The following PJA2 variants were observed in gnomAD, a reference collection of about 807,000 sequenced individuals.
PJA2 encodes the protein E3 ubiquitin-protein ligase Praja-2.
In PJA2, 25 loss-of-function variants were observed where a neutral mutation model predicts 69.3. The observed-to-expected ratio is 0.36, with a 90% CI of 0.26 to 0.50. PJA2 has a LOEUF of 0.50. Among genes scored for constraint, PJA2 ranks in the 20% least tolerant of loss-of-function variants. PJA2 has a pLI of 0.96. For synonymous variants in PJA2, 308 were observed against 277.8 expected (o/e 1.11, Z -1.08); for missense variants, 809 against 830.2 (o/e 0.97, Z 0.31).
At chr5:109,403,953 C>T (rs1010332302) in intron 1 of PJA2, among the ~76,000 whole-genome samples, 8 of 151,806 alleles carry the variant, frequency 5.3e-5, no homozygotes, top group Non-Finnish European at 8.8e-5. Flanking sequence ...TACCTGTAAT[C>T]CCAGCTACTC....
chr5:109,342,480 G>T (rs1762089696), intron 9 of PJA2, among the ~76,000 whole-genome samples: 2 of 130,976 alleles, frequency 1.5e-5, no homozygotes, highest in Non-Finnish European at 3.3e-5. Context: ...AGGTGGGGGG[G>T]TCAGCCCCCC....
rs913138901 is a variant in PJA2, at chr5:109,335,568, G to A, written c.*1663C>T. 6.6e-6 allele frequency: 1 copy of A among 152,014 alleles called. No individual in the cohort carries two copies. Among genetic ancestry groups the A allele is most frequent in the Non-Finnish European group, 1.5e-5 (1 of 67,970 alleles). The allele number at this position is 152,014 out of a possible 1,614,324, so 9.4% of individuals were successfully genotyped here. A position where few individuals can be genotyped will look rare whatever the true frequency, so the allele number is the denominator to read the frequency against. On this transcript the variant is annotated 3_prime_UTR_variant, in exon 10 of 10. Transcript: ENST00000361189. ...CACAACTGATCAACAGTACTTAAAAGGAAACAAACAAAAATCACACTAGCC... is the reference window on the plus strand; with the variant it reads ...CACAACTGATCAACAGTACTTAAAAAGAAACAAACAAAAATCACACTAGCC...
chr5:109,373,382 T>C (rs538915001), intron 4 of PJA2, among the ~76,000 whole-genome samples: 13 of 152,234 alleles, frequency 8.5e-5, no homozygotes, highest in Admixed American at 1.3e-4. Context: ...CCTCTCTTCA[T>C]TGAAGAGGAA....
intron 9 of PJA2, among the ~76,000 whole-genome samples, chr5:109,342,136 CGGGA>C (rs1762079154): frequency 1.7e-5 from 2 of 116,900 alleles, no homozygotes; most frequent in Non-Finnish European, 3.7e-5. Flanking sequence ...CCGCCCCGTC[CGGGA>C]GGGAGGTGGG....
intron 7 of PJA2, among the ~76,000 whole-genome samples, chr5:109,352,203 T>C (rs912431214): frequency 1.3e-5 from 2 of 152,196 alleles, no homozygotes; most frequent in Non-Finnish European, 2.9e-5. Flanking sequence ...CTTAGTTCAC[T>C]GCTAGTGCCT....
At chr5:109,353,983 TTAGA>T (rs1424634554) in intron 7 of PJA2, among the ~76,000 whole-genome samples, 7 of 139,610 alleles carry the variant, frequency 5.0e-5, no homozygotes, top group South Asian at 2.5e-4. Flanking sequence ...TATCTATAGA[TTAGA>T]TAGATATCTA....
intron 2 of PJA2, among the ~76,000 whole-genome samples, chr5:109,382,839 C>T (rs1306229069): frequency 1.4e-5 from 2 of 146,704 alleles, no homozygotes; most frequent in African/African-American, 2.5e-5. Context: ...CAGTTCGAAA[C>T]TCCATCTCAA....
chr5:109,392,068 A>AT (rs908841908), intron 1 of PJA2, among the ~76,000 whole-genome samples: 2 of 152,144 alleles, frequency 1.3e-5, no homozygotes, highest in African/African-American at 2.4e-5. Flanking sequence ...CCCAGCAGGC[A>AT]TTTTTTTGGG....
At chr5:109,341,714 C>T (rs1329354725) in intron 9 of PJA2, among the ~76,000 whole-genome samples, 1 of 23,482 alleles carries the variant, frequency 4.3e-5, no homozygotes, top group East Asian at 4.8e-4. Flanking sequence ...TCTGCCTGGC[C>T]GCCCCTACTG....
chr5:109,368,494 C>A, intron 5 of PJA2, 67 bp downstream of exon 5: 2 of 1,389,798 alleles, frequency 1.4e-6, no homozygotes, highest in Admixed American at 2.2e-5. Context: ...GCATATCCAA[C>A]ATTTGAATGT....
rs193297397 is a variant in PJA2 at position 109,395,475 on chromosome 5, C to A, written c.-87-11955G>T. 1.3e-3 allele frequency among the ~76,000 whole-genome samples: 195 copies of A among 152,234 alleles called. 1 individual carries two copies. The highest frequency in any genetic ancestry group is 2.1e-3 in the Non-Finnish European group (141 of 67,996). ...CTGGGAGATGGAGGCTGAAGTAAGC[C>A]GTGATTGTGCCACTGCCCTCCAGCC... is the stretch of plus-strand genomic sequence containing the variant. On this transcript the variant is annotated intron_variant, in intron 1 of 9. Coordinates refer to ENST00000361189, the MANE Select transcript of PJA2 (RefSeq NM_014819.5).
At position 109,354,123 on chromosome 5, in the gene PJA2, G is replaced by GATATCAA. The variant is rs1426483435; in HGVS notation, c.1764+1791_1764+1792insTTGATAT. ...AGATATCTATAGATTAGATATCTAT[G>GATATCAA]GTATCTAGAGCTGTCTATAGATTAG... On this transcript the variant is annotated intron_variant, in intron 7 of 9. Transcript: ENST00000361189. Among the ~76,000 whole-genome samples the GATATCAA allele has an allele frequency of 4.5e-5, 2 of 44,426 alleles. 1 individual carries two copies. The highest frequency in any genetic ancestry group is 1.6e-4 in the Non-Finnish European group (2 of 12,890). 29.1% of individuals were successfully genotyped at this position (44,426 alleles called of 152,430 possible).
chr5:109,344,811 C>A lies in PJA2; in HGVS notation c.1773G>T (p.Leu591=). The A allele has an allele frequency of 6.2e-7, 1 of 1,608,696 alleles. No individual in the cohort carries two copies. The highest frequency in any genetic ancestry group is 1.1e-5 in the South Asian group (1 of 90,060). The change falls in exon 8 of 10, where the codon CTG becomes CTT. Residue 591 remains leucine (L), a synonymous_variant. Coordinates refer to ENST00000361189, the MANE Select transcript of PJA2 (RefSeq NM_014819.5). The part of the protein sequence containing the change: ...ERLAQAMETA[L]AHLESLAVDV... ...CCACTGCAAGAGACTCTAAATGGGC[C>A]AGAGCAGTCTGAAAAACAAAAGGTA...
intron 1 of PJA2, among the ~76,000 whole-genome samples, chr5:109,386,204 A>G (rs577898949): frequency 6.6e-6 from 1 of 152,326 alleles, no homozygotes; most frequent in African/African-American, 2.4e-5. Flanking sequence ...ATAGCAGAAA[A>G]AACAACAGAG....
chr5:109,380,436 T>G (rs1344701799), intron 3 of PJA2, among the ~76,000 whole-genome samples: 3 of 152,164 alleles, frequency 2.0e-5, no homozygotes, highest in Non-Finnish European at 2.9e-5. Context: ...TTTAATTGAA[T>G]AAGCCTTCCT....
chr5:109,335,621 T>C lies in PJA2; in HGVS notation c.*1610A>G, dbSNP rs1379602130. 1 of 152,172 alleles carries C rather than the reference T, an allele frequency of 6.6e-6. No individual in the cohort carries two copies. The highest frequency in any genetic ancestry group is 2.4e-5 in the African/African-American group (1 of 41,428). The allele number at this position is 152,172 out of a possible 1,614,324, so 9.4% of individuals were successfully genotyped here. ...AAATTTCCACCATATACACATGAAATTAATTTTAATCTGTTTTGACTCCTT... is the reference window on the plus strand; with the variant it reads ...AAATTTCCACCATATACACATGAAACTAATTTTAATCTGTTTTGACTCCTT... On this transcript the variant is annotated 3_prime_UTR_variant, in exon 10 of 10. Coordinates refer to ENST00000361189, the MANE Select transcript of PJA2 (RefSeq NM_014819.5).
intron 4 of PJA2, among the ~76,000 whole-genome samples, chr5:109,373,655 C>A (rs1475676247): frequency 2.6e-5 from 4 of 152,104 alleles, no homozygotes; most frequent in Non-Finnish European, 5.9e-5. Context: ...GGGTGAATGA[C>A]ACATTTAAAA....
rs768185565 is a variant in PJA2 at position 109,378,288 on chromosome 5, G to T, written c.1199C>A (p.Ala400Asp). 6.2e-7 allele frequency: 1 copy of T among 1,613,860 alleles called. No individual in the cohort carries two copies. The highest frequency in any genetic ancestry group is 8.5e-7 in the Non-Finnish European group (1 of 1,179,908). Reference sequence around the variant, plus strand: ...ATCCACCTCTTGCCTTCCTGCTGTGGCTCCACTTTCTGATGTCATTTGGTT... The same window carrying T: ...ATCCACCTCTTGCCTTCCTGCTGTGTCTCCACTTTCTGATGTCATTTGGTT... ...ENNQMTSESGATAGRQEVDNT... is the reference protein window; with the variant it reads ...ENNQMTSESGDTAGRQEVDNT... Residue 400 changes from alanine (A) to aspartate (D), a missense_variant, in exon 4 of 10, where the codon GCC becomes GAC. Coordinates refer to ENST00000361189, the MANE Select transcript of PJA2 (RefSeq NM_014819.5).
At position 109,365,200 on chromosome 5, in the gene PJA2, C is replaced by T. The variant is rs544769619; in HGVS notation, c.1470-2178G>A. On this transcript the variant is annotated intron_variant, in intron 5 of 9. Coordinates refer to ENST00000361189, the MANE Select transcript of PJA2 (RefSeq NM_014819.5). Reference sequence around the variant, plus strand: ...TCAGCATTACTCACAATAGCCAAAACTGTCCACCAAATGAAACTGGTATAC... The same window carrying T: ...TCAGCATTACTCACAATAGCCAAAATTGTCCACCAAATGAAACTGGTATAC... 2.6e-5 allele frequency among the ~76,000 whole-genome samples: 4 copies of T among 152,304 alleles called. No individual in the cohort carries two copies. The South Asian group carries it at 8.3e-4, about 32-fold the overall frequency.
Sources: gnomAD v4.1 joint callset for allele counts (sites outside exome capture counted in the v4.1 genomes callset) on GRCh38, gnomAD v4.1.1 for gene constraint, MANE v1.5 for transcripts, NCBI Gene and HGNC (gene_info 2026-07-23, HGNC 2026-07-21) for gene names.